Variants in GSN observed in about 807,000 individuals in gnomAD.
The protein encoded by GSN is gelsolin, also known as actin-depolymerizing factor.
In GSN, 56 loss-of-function variants were observed where a neutral mutation model predicts 85.7. The observed-to-expected ratio is 0.65, with a 90% CI of 0.53 to 0.82. The LOEUF (loss-of-function observed/expected upper bound fraction) is 0.82. Among genes scored for constraint, GSN ranks in the 40% least tolerant of loss-of-function variants. The pLI, the probability that GSN is intolerant of heterozygous loss-of-function variation, is 0.00. For missense variants in GSN, 857 were observed against 979.8 expected, an observed-to-expected ratio of 0.87 and a Z score of 1.67; for synonymous variants, 373 against 399.1, an observed-to-expected ratio of 0.93 and a Z score of 0.78.
chr9:121,231,548 A>C (rs2054386956), intron 5 of GSN, among the ~76,000 whole-genome samples: 3 of 152,192 alleles, frequency 2.0e-5, no homozygotes, highest in Non-Finnish European at 4.4e-5. Context: ...AAGAAGAAGA[A>C]GAAAAAACAA....
intron 5 of GSN, among the ~76,000 whole-genome samples, chr9:121,242,259 G>C (rs138131077): frequency 1.2e-3 from 184 of 152,238 alleles, no homozygotes; most frequent in African/African-American, 4.2e-3. Context: ...AAGGGCCTTT[G>C]CAGCTTTAAA....
chr9:121,288,424 C>T (rs952381988), intron 2 of GSN, among the ~76,000 whole-genome samples: 1 of 152,128 alleles, frequency 6.6e-6, no homozygotes, highest in South Asian at 2.1e-4. Flanking sequence ...GAGGCTGGTA[C>T]GCAGGGCACA....
Position 121,326,599 on chromosome 9 carries a change from C to A in GSN, c.1504C>A (p.Arg502Ser), listed in dbSNP as rs544227689. 3.1e-6 allele frequency: 5 copies of A among 1,611,068 alleles called. No individual in the cohort carries two copies. Among genetic ancestry groups the A allele is most frequent in the Non-Finnish European group, 4.2e-6 (5 of 1,178,562 alleles). ...GATCATCTACAAGGGCGGCACCTCC[C>A]GCGAGGGCGGGCAGACAGCCCCTGC... Reference protein sequence around the residue: ...PMIIYKGGTSREGGQTAPAST... With the variant: ...PMIIYKGGTSSEGGQTAPAST... Residue 502 changes from arginine to serine, a missense_variant, in exon 13 of 18, where the codon CGC becomes AGC. Physicochemically the swap from Arg to Ser is moderately radical, Grantham distance 110. Coordinates refer to ENST00000432226, the MANE Select transcript of GSN (RefSeq NM_198252.3).
intron 16 of GSN, 93 bp from the exon 17 acceptor site, chr9:121,331,291 TTGTC>T: frequency 1.3e-6 from 1 of 758,090 alleles, no homozygotes. Flanking sequence ...GGGGAGGGCT[TTGTC>T]TGGTCTGATA....
At chr9:121,206,437 T>G (rs1053817655), upstream of GSN, among the ~76,000 whole-genome samples, 4 of 152,212 alleles carry the variant, frequency 2.6e-5, no homozygotes, top group Admixed American at 1.3e-4. Context: ...AAAAAGGTGA[T>G]GCATAAATGT....
chr9:121,237,840 C>T (rs947394174), intron 5 of GSN, among the ~76,000 whole-genome samples: 1 of 152,144 alleles, frequency 6.6e-6, no homozygotes, highest in African/African-American at 2.4e-5. Context: ...TCACTGTGTA[C>T]AATGCAAACA....
At chr9:121,286,056 C>A in intron 2 of GSN, 1 of 1,479,742 alleles carries the variant, frequency 6.8e-7, no homozygotes, top group Non-Finnish European at 9.1e-7. Flanking sequence ...CAGCTATTTC[C>A]AGACTAATCC....
chr9:121,209,958 T>C (rs1428434150), intron 2 of GSN, among the ~76,000 whole-genome samples: 1 of 152,182 alleles, frequency 6.6e-6, no homozygotes, highest in Non-Finnish European at 1.5e-5. Context: ...GCCTTCACTT[T>C]CTCATATTCT....
intron 6 of GSN, chr9:121,313,689 G>A (rs1240485943): frequency 6.9e-6 from 4 of 576,518 alleles, no homozygotes; most frequent in East Asian, 2.9e-5. Context: ...CTGAAGCGCT[G>A]TCTGGAGGCA....
chr9:121,239,053 A>G (rs1049451263), intron 5 of GSN: 2 of 421,454 alleles, frequency 4.7e-6, no homozygotes, highest in African/African-American at 4.1e-5. Context: ...TGGGTGAATG[A>G]TATCGTTGGC....
At chr9:121,322,865 C>G (rs1421584127) in intron 11 of GSN, among the ~76,000 whole-genome samples, 2 of 144,350 alleles carry the variant, frequency 1.4e-5, no homozygotes, top group African/African-American at 2.6e-5. Context: ...GGGTCTTGCT[C>G]TGTTGGCCAG....
intron 5 of GSN, among the ~76,000 whole-genome samples, chr9:121,232,231 CTG>C (rs1219228786): frequency 6.6e-6 from 1 of 152,214 alleles, no homozygotes; most frequent in African/African-American, 2.4e-5. Context: ...TGCTTCATGA[CTG>C]TCCAGTGCTG....
chr9:121,221,073 C>T (rs1055084147), intron 4 of GSN, among the ~76,000 whole-genome samples: 6 of 152,232 alleles, frequency 3.9e-5, no homozygotes, highest in Non-Finnish European at 7.3e-5. Flanking sequence ...CTCCTGCTCT[C>T]TTCAGCGCCG....
intron 6 of GSN, among the ~76,000 whole-genome samples, chr9:121,254,687 C>T (rs758824783): frequency 2.0e-5 from 3 of 152,186 alleles, no homozygotes; most frequent in Non-Finnish European, 4.4e-5. Flanking sequence ...TAGCAATGAG[C>T]ACACGTAGCA....
In GSN at chr9:121,299,762, G is replaced by C. The variant is rs1407554464; in HGVS notation, c.-9-2201G>C. ...AGATCCCCGCCCCGCGCCCTCCCTG[G>C]GGGGCGGTCCCCGGCTTGGGCGGGA... On this transcript the variant is annotated intron_variant, in intron 2 of 17. Coordinates refer to ENST00000432226, the MANE Select transcript of GSN (RefSeq NM_198252.3). The surrounding 1 kb of genome is among the most constrained non-coding windows in gnomAD (Gnocchi z 4.2). 1.2e-5 allele frequency: 14 copies of C among 1,174,686 alleles called. No individual in the cohort carries two copies. The highest frequency in any genetic ancestry group is 3.6e-4 in the Middle Eastern group (1 of 2,786). The allele number at this position is 1,174,686 out of a possible 1,614,324, so 72.8% of individuals were successfully genotyped here.
intron 14 of GSN, 34 bp downstream of exon 14, chr9:121,327,516 G>A (rs1224636337): frequency 8.6e-6 from 13 of 1,518,190 alleles, no homozygotes; most frequent in Non-Finnish European, 8.0e-6. Context: ...GCTGCTGTCC[G>A]GATGCAGCTA....
In GSN at chr9:121,327,299, C is replaced by T. The variant is rs745956526; in HGVS notation, c.1588-9C>T. ...CTGGTTCCTGATTAACCAAGCTGTA[C>T]CCTCCCAGGTATTGCCTAAGGCTGG... On this transcript the variant is annotated splice_polypyrimidine_tract_variant and intron_variant, in intron 13 of 17. Transcript: ENST00000432226. 4 of 1,612,374 alleles carry T rather than the reference C, an allele frequency of 2.5e-6. No homozygotes were observed. Among genetic ancestry groups the T allele is most frequent in the Non-Finnish European group, 3.4e-6 (4 of 1,178,422 alleles).
intron 1 of GSN, among the ~76,000 whole-genome samples, chr9:121,278,133 C>T (rs2056896059): frequency 6.6e-6 from 1 of 151,894 alleles, no homozygotes; most frequent in Admixed American, 6.6e-5. Flanking sequence ...GGGAGGCAGC[C>T]TGCGTTGGTG....
At chr9:121,256,355 G>T (rs904956685) in intron 6 of GSN, among the ~76,000 whole-genome samples, 7 of 152,130 alleles carry the variant, frequency 4.6e-5, no homozygotes, top group African/African-American at 1.4e-4. Context: ...CCATTAAAAA[G>T]AATGAAATTT....
Sources: gnomAD v4.1 joint callset for allele counts (sites outside exome capture counted in the v4.1 genomes callset) on GRCh38, gnomAD v4.1.1 for gene constraint, Gnocchi (gnomAD v3.1) non-coding constraint, MANE v1.5 for transcripts, NCBI Gene and HGNC (gene_info 2026-07-23, HGNC 2026-07-21) for gene names.